KANK4: variants seen among roughly 807,000 people sequenced by gnomAD.
KANK4 encodes the protein KN motif and ankyrin repeat domain-containing protein 4.
Under a neutral mutation model 80.8 loss-of-function variants are expected in KANK4, and 50 were observed. The observed-to-expected ratio is 0.62, with a 90% confidence interval of 0.49 to 0.78. The LOEUF (loss-of-function observed/expected upper bound fraction) is 0.78, where lower values mean the gene tolerates loss of function less well. Among genes scored for constraint, KANK4 ranks in the 30% least tolerant of loss-of-function variants. KANK4 has a pLI of 0.00. For synonymous variants in KANK4, 465 were observed against 506.9 expected (o/e 0.92, Z 1.11); for missense variants, 1,196 against 1,240.1 (o/e 0.96, Z 0.53).
At chr1:62,241,609 A>G (rs1249310649) in intron 9 of KANK4, among the ~76,000 whole-genome samples, 1 of 152,202 alleles carries the variant, frequency 6.6e-6, no homozygotes, top group Admixed American at 6.5e-5. Context: ...TTGTTGAAAG[A>G]GAGAATGCTG....
In KANK4 at chr1:62,238,375, G is replaced by A. The variant is rs200811588; in HGVS notation, c.2890C>T (p.Arg964Cys). 86 of 1,613,590 alleles carry A rather than the reference G, an allele frequency of 5.3e-5. No individual in the cohort carries two copies. The highest frequency in any genetic ancestry group is 3.3e-4 in the Middle Eastern group (2 of 6,082). The change falls in exon 10 of 10, where the codon CGC (arginine) becomes TGC (cysteine). Residue 964 changes from arginine (R) to cysteine (C), a missense_variant. Physicochemically the swap from Arg to Cys is radical, Grantham distance 180. Coordinates refer to ENST00000371153, the MANE Select transcript of KANK4 (RefSeq NM_181712.5). ...CDSSLTDKAGRTALSIALKSP... is the reference protein window; with the variant it reads ...CDSSLTDKAGCTALSIALKSP... ...TTCAGAGCGATGGACAAAGCTGTGC[G>A]GCCAGCCTACAGGAGAAAAAGGAAA... is the stretch of plus-strand genomic sequence containing the variant.
chr1:62,253,409 C>CTTTTTTTTTT (rs34488630), intron 7 of KANK4, among the ~76,000 whole-genome samples, 200 bp from the exon 8 acceptor site: 47 of 110,962 alleles, frequency 4.2e-4, no homozygotes, highest in East Asian at 2.0e-3. Flanking sequence ...TTCTTTCTTT[C>CTTTTTTTTTT]TTTTTTTTTT....
At chr1:62,318,098 G>A (rs1644557270) in intron 1 of KANK4, among the ~76,000 whole-genome samples, 1 of 152,198 alleles carries the variant, frequency 6.6e-6, no homozygotes. Flanking sequence ...GCAGGTCCTT[G>A]GGAATCGTGT....
Position 62,273,733 on chromosome 1 carries a change from C to T in KANK4, c.1371G>A (p.Gly457=). The T allele has an allele frequency of 1.2e-6, 2 of 1,614,082 alleles. No individual in the cohort carries two copies. The highest frequency in any genetic ancestry group is 1.7e-6 in the Non-Finnish European group (2 of 1,180,004). ...HRGEENGLLW[G]PDGHKQGNQS... ...GATTCCCTTGTTTATGACCATCTGGCCCCCATAGGAGGCCATTCTCCTCTC... is the reference window on the plus strand; with the variant it reads ...GATTCCCTTGTTTATGACCATCTGGTCCCCATAGGAGGCCATTCTCCTCTC... The change falls in exon 3 of 10, where the codon GGG becomes GGA. Residue 457 remains glycine (G), a synonymous_variant. Transcript: ENST00000371153.
chr1:62,252,959 G>C (rs1671657229), intron 8 of KANK4, 108 bp downstream of exon 8: 1 of 1,345,772 alleles, frequency 7.4e-7, no homozygotes, highest in African/African-American at 1.5e-5. Flanking sequence ...CAGCCTCCTT[G>C]GGTTAAAAAC....
intron 7 of KANK4, among the ~76,000 whole-genome samples, chr1:62,255,648 G>GTTTATTTA (rs989418937): frequency 2.6e-5 from 4 of 151,974 alleles, no homozygotes; most frequent in African/African-American, 9.7e-5. Flanking sequence ...AATTTATTGA[G>GTTTATTTA]TTTATTTATT....
intron 3 of KANK4, chr1:62,271,918 C>T (rs995303148): frequency 6.9e-6 from 2 of 289,612 alleles, no homozygotes; most frequent in African/African-American, 4.3e-5. Context: ...AGGAGCAGAA[C>T]GTAGGCCTCT....
chr1:62,294,955 T>C (rs1187954776), intron 1 of KANK4, among the ~76,000 whole-genome samples: 3 of 152,204 alleles, frequency 2.0e-5, no homozygotes, highest in East Asian at 3.9e-4. Context: ...GAAGGTTATA[T>C]ATTGTTGTGG....
Position 62,313,823 on chromosome 1 carries a change from A to C in KANK4, c.-71+5283T>G, listed in dbSNP as rs149862203. On this transcript the variant is annotated intron_variant, in intron 1 of 9. Transcript: ENST00000371153. ...ATGGCACATGTATACCTACGTAACA[A>C]ACCTGCACGTTCTGCACATGTATCC... Among the ~76,000 whole-genome samples, 633 of 152,292 alleles carry C rather than the reference A, an allele frequency of 4.2e-3. 2 individuals are homozygous for C. The highest frequency in any genetic ancestry group is 7.0e-3 in the Non-Finnish European group (478 of 68,034).
At chr1:62,317,747 C>A (rs1405029011) in intron 1 of KANK4, among the ~76,000 whole-genome samples, 1 of 152,202 alleles carries the variant, frequency 6.6e-6, no homozygotes, top group Non-Finnish European at 1.5e-5. Context: ...AAGAACTCAG[C>A]ACTGGAGAAT....
rs1672277742 is a variant in KANK4 at position 62,275,038 on chromosome 1, G to T, written c.66C>A (p.Ser22Arg). 6.2e-7 allele frequency: 1 copy of T among 1,613,864 alleles called. No individual in the cohort carries two copies. Among genetic ancestry groups the T allele is most frequent in the African/African-American group, 1.3e-5 (1 of 74,880 alleles). The change falls in exon 3 of 10, where the codon AGC (serine) becomes AGA (arginine). Residue 22 changes from serine to arginine, a missense_variant. Ser to Arg is a moderately radical substitution (Grantham distance 110). Transcript: ENST00000371153. Reference protein sequence around the residue: ...QGDEEKDPPKSHPYSVETPYG... With the variant: ...QGDEEKDPPKRHPYSVETPYG... Reference sequence around the variant, plus strand: ...ATGGGGTCTCCACAGAATAAGGGTGGCTCTTCGGAGGGTCTTTCTCTTCAT... The same window carrying T: ...ATGGGGTCTCCACAGAATAAGGGTGTCTCTTCGGAGGGTCTTTCTCTTCAT...
intron 9 of KANK4, among the ~76,000 whole-genome samples, chr1:62,244,220 G>A (rs1282162229): frequency 6.6e-6 from 1 of 150,396 alleles, no homozygotes; most frequent in African/African-American, 2.5e-5. Flanking sequence ...TTTTGAGACA[G>A]GGTCTCACTC....
In KANK4 at chr1:62,271,635, T is replaced by C. The variant is rs1390363380; in HGVS notation, c.1901-46A>G. 4.2e-6 allele frequency: 6 copies of C among 1,419,268 alleles called. No individual in the cohort carries two copies. The East Asian group carries it at 9.1e-5, about 22-fold the overall frequency. 87.9% of individuals were successfully genotyped at this position (1,419,268 alleles called of 1,614,324 possible). On this transcript the variant is annotated intron_variant, in intron 3 of 9. Coordinates refer to ENST00000371153, the MANE Select transcript of KANK4 (RefSeq NM_181712.5). ...AGGTTAGAATGATCTTGGGGATGCA[T>C]GGGAATGTAGCAAAACCAGGATATT...
rs1191578875 is a variant in KANK4 at position 62,236,396 on chromosome 1, T to C, written c.*1881A>G. On this transcript the variant is annotated 3_prime_UTR_variant, in exon 10 of 10. Coordinates refer to ENST00000371153, the MANE Select transcript of KANK4 (RefSeq NM_181712.5). ...CATTTATTAACGTAGGATGTTGCTC[T>C]TACAATGTATTTTGAGGTCAAAATA... 2.0e-5 allele frequency among the ~76,000 whole-genome samples: 3 copies of C among 152,170 alleles called. No individual in the cohort carries two copies. Among genetic ancestry groups the C allele is most frequent in the Non-Finnish European group, 4.4e-5 (3 of 68,032 alleles).
chr1:62,273,768 C>T lies in KANK4; in HGVS notation c.1336G>A (p.Gly446Arg). The change falls in exon 3 of 10, where the codon GGG (glycine) becomes AGG (arginine). Residue 446 changes from glycine to arginine, a missense_variant. Around this residue, in one of 3 missense-constraint regions of KANK4, gnomAD observed 1,154 missense variants for 1,179.6 expected, o/e 0.98. Transcript: ENST00000371153. ...AGGCCATTCTCCTCTCCTCGGTGCC[C>T]CCAGCTTTCAGACTCCATGCTGCCT... ...LLGSMESESW[G>R]HRGEENGLLW... 6.2e-7 allele frequency: 1 copy of T among 1,614,108 alleles called. No individual in the cohort carries two copies. Among genetic ancestry groups the T allele is most frequent in the Non-Finnish European group, 8.5e-7 (1 of 1,180,014 alleles).
chr1:62,296,346 C>G (rs1644363629), intron 1 of KANK4, among the ~76,000 whole-genome samples: 1 of 152,144 alleles, frequency 6.6e-6, no homozygotes, highest in Non-Finnish European at 1.5e-5. Context: ...CTACTCATCC[C>G]TCCACTGCCA....
At chr1:62,301,179 C>T (rs527428712) in intron 1 of KANK4, among the ~76,000 whole-genome samples, 8 of 152,148 alleles carry the variant, frequency 5.3e-5, no homozygotes, top group East Asian at 1.9e-4. Context: ...AACAGACTTA[C>T]GGAGCACAAG....
At chr1:62,297,298 T>C (rs1644374460) in intron 1 of KANK4, among the ~76,000 whole-genome samples, 1 of 69,868 alleles carries the variant, frequency 1.4e-5, no homozygotes, top group Admixed American at 1.5e-4. Context: ...TAATAATTAT[T>C]ATTGCTAGCT....
intron 3 of KANK4, 79 bp from the exon 4 acceptor site, chr1:62,271,668 G>A: frequency 9.6e-7 from 1 of 1,044,880 alleles, no homozygotes; most frequent in Admixed American, 1.7e-5. Context: ...ATTGCTTTGA[G>A]GGGACAAGGG....
Sources: allele counts gnomAD v4.1 joint callset (sites outside exome capture counted in the v4.1 genomes callset), GRCh38; gene constraint gnomAD v4.1.1; regional missense constraint gnomAD v4.1.1; transcripts MANE v1.5; gene names NCBI Gene and HGNC (gene_info 2026-07-23, HGNC 2026-07-21).